Variants in ERBB4 observed in about 807,000 individuals in gnomAD.
ERBB4 encodes receptor tyrosine-protein kinase erbB-4.
Under a neutral mutation model 158.0 loss-of-function variants are expected in ERBB4, and 42 were observed. That is an observed-to-expected ratio of 0.27 (90% CI 0.21 to 0.34). The LOEUF (loss-of-function observed/expected upper bound fraction) is 0.34. Ranked by LOEUF, ERBB4 falls within the 10% of genes least tolerant of loss-of-function variation. The probability of loss-of-function intolerance (pLI) is 1.00; values close to 1 mark genes in which losing one functional copy is unlikely to be tolerated. For missense variants in ERBB4, 1,333 were observed against 1,624.1 expected (o/e 0.82, Z 3.08); for synonymous variants, 583 against 558.7 (o/e 1.04, Z -0.61).
At chr2:211,717,236 C>G (rs906926666) in intron 7 of ERBB4, among the ~76,000 whole-genome samples, 4 of 152,088 alleles carry the variant, frequency 2.6e-5, no homozygotes, top group African/African-American at 9.7e-5. Flanking sequence ...TCATTTAGCC[C>G]CATCCTGCAA....
intron 1 of ERBB4, among the ~76,000 whole-genome samples, chr2:212,412,963 T>C (rs1050628024): frequency 6.6e-6 from 1 of 151,866 alleles, no homozygotes; most frequent in Non-Finnish European, 1.5e-5. Context: ...TTCTTTTTGT[T>C]TTTTTTGTTT....
chr2:212,172,486 T>C (rs2081547236), intron 1 of ERBB4, among the ~76,000 whole-genome samples: 1 of 152,104 alleles, frequency 6.6e-6, no homozygotes, highest in Non-Finnish European at 1.5e-5. Context: ...GCAGCACTGT[T>C]CACAATAGCA....
At chr2:212,232,886 C>T (rs1021731517) in intron 1 of ERBB4, among the ~76,000 whole-genome samples, 3 of 150,362 alleles carry the variant, frequency 2.0e-5, no homozygotes, top group Admixed American at 1.3e-4. Context: ...TTGTCCCTTG[C>T]GCTACAGAGA....
At chr2:211,670,900 A>G (rs1360358869) in intron 14 of ERBB4, among the ~76,000 whole-genome samples, 4 of 152,176 alleles carry the variant, frequency 2.6e-5, no homozygotes, top group South Asian at 2.1e-4. Flanking sequence ...GAAAACTAAT[A>G]AAGGCATACT....
At chr2:212,089,453 A>G (rs1019355558) in intron 2 of ERBB4, among the ~76,000 whole-genome samples, 3 of 152,090 alleles carry the variant, frequency 2.0e-5, no homozygotes, top group African/African-American at 7.2e-5. Flanking sequence ...GTAACCCCCA[A>G]TGTTGGAGGG....
intron 19 of ERBB4, among the ~76,000 whole-genome samples, chr2:211,599,511 T>TTGTGTGTGTGTGTGTGTGTG (rs201810389): frequency 8.2e-4 from 17 of 20,842 alleles, no homozygotes; most frequent in African/African-American, 1.0e-3. Flanking sequence ...AAATAATTTC[T>TTGTGTGTGTGTGTGTGTGTG]TCTGTGTGTG....
chr2:212,117,642 T>A (rs557789513), intron 2 of ERBB4, among the ~76,000 whole-genome samples: 1 of 152,320 alleles, frequency 6.6e-6, no homozygotes, highest in Non-Finnish European at 1.5e-5. Flanking sequence ...GATCAAAATG[T>A]GTGCATAACT....
intron 15 of ERBB4, among the ~76,000 whole-genome samples, chr2:211,665,111 G>A (rs112312170): frequency 0.01 from 1,583 of 152,252 alleles, 18 homozygotes; most frequent in South Asian, 0.042. Flanking sequence ...TAATAGAATG[G>A]TTATAGGTAA....
intron 1 of ERBB4, among the ~76,000 whole-genome samples, chr2:212,348,358 TAA>T (rs949919318): frequency 5.9e-5 from 9 of 152,130 alleles, no homozygotes; most frequent in African/African-American, 2.2e-4. Context: ...TGCCATGAGT[TAA>T]AGTTTCCTCA....
At chr2:212,147,805 G>A (rs748645792) in intron 1 of ERBB4, among the ~76,000 whole-genome samples, 4 of 152,052 alleles carry the variant, frequency 2.6e-5, no homozygotes, top group Non-Finnish European at 2.9e-5. Flanking sequence ...TTAACCCTCC[G>A]TGAAGAAACT....
At chr2:212,454,316 C>T (rs889144037) in intron 1 of ERBB4, among the ~76,000 whole-genome samples, 2 of 152,134 alleles carry the variant, frequency 1.3e-5, no homozygotes, top group African/African-American at 4.8e-5. Context: ...ACTGAGAAGA[C>T]AGACTAATTT....
chr2:211,905,484 T>C (rs143397102), intron 3 of ERBB4, among the ~76,000 whole-genome samples: 1 of 151,848 alleles, frequency 6.6e-6, no homozygotes, highest in Non-Finnish European at 1.5e-5. Context: ...TGTGGGTATC[T>C]TGAGGAGCCA....
At chr2:212,224,570 A>T (rs2083411196) in intron 1 of ERBB4, among the ~76,000 whole-genome samples, 1 of 152,050 alleles carries the variant, frequency 6.6e-6, no homozygotes, top group South Asian at 2.1e-4. Flanking sequence ...CACACACAAG[A>T]AAAGGAGGAG....
rs182536063 is a variant in ERBB4, at chr2:211,378,461, C to A, written c.*5154G>T. The A allele has an allele frequency of 7.3e-3, 1,691 of 232,590 alleles. 20 individuals carry two copies. Among genetic ancestry groups the A allele is most frequent in the South Asian group, 0.019 (103 of 5,530 alleles). 14.4% of individuals were successfully genotyped at this position (232,590 alleles called of 1,614,324 possible). A position where few individuals can be genotyped will look rare whatever the true frequency, so the allele number is the denominator to read the frequency against. ...TGAAATTTCTATTATTTTAGAGAGACTTTTAATGAAAAGAAAAAAGCAGCT... is the reference window on the plus strand; with the variant it reads ...TGAAATTTCTATTATTTTAGAGAGAATTTTAATGAAAAGAAAAAAGCAGCT... On this transcript the variant is annotated 3_prime_UTR_variant, in exon 28 of 28. Coordinates refer to ENST00000342788, the MANE Select transcript of ERBB4 (RefSeq NM_005235.3).
intron 25 of ERBB4, among the ~76,000 whole-genome samples, chr2:211,402,471 C>G (rs1462243063): frequency 1.3e-5 from 2 of 151,914 alleles, no homozygotes; most frequent in Admixed American, 1.3e-4. Flanking sequence ...ATACTAGCAC[C>G]CTGGCAGCAA....
At chr2:211,638,786 A>G (rs557456335) in intron 16 of ERBB4, among the ~76,000 whole-genome samples, 1 of 152,198 alleles carries the variant, frequency 6.6e-6, no homozygotes, top group Non-Finnish European at 1.5e-5. Flanking sequence ...TGATCCTTTT[A>G]TATCTAGATC....
At chr2:211,387,515 T>TTA (rs1179025253) in intron 26 of ERBB4, among the ~76,000 whole-genome samples, 1 of 152,198 alleles carries the variant, frequency 6.6e-6, no homozygotes, top group Non-Finnish European at 1.5e-5. Flanking sequence ...ACAGTTGTCA[T>TTA]TAAGAATAGA....
intron 1 of ERBB4, among the ~76,000 whole-genome samples, chr2:212,128,425 C>A (rs928614099): frequency 3.3e-5 from 5 of 152,174 alleles, no homozygotes; most frequent in African/African-American, 1.2e-4. Context: ...ATAAGTTCTT[C>A]CAGCCTGATG....
At chr2:212,329,703 G>A (rs1452842052) in intron 1 of ERBB4, among the ~76,000 whole-genome samples, 1 of 152,046 alleles carries the variant, frequency 6.6e-6, no homozygotes, top group Admixed American at 6.6e-5. Context: ...TTGTAAAACA[G>A]TGATTTAACC....
Sources: allele counts gnomAD v4.1 joint callset (sites outside exome capture counted in the v4.1 genomes callset), GRCh38; gene constraint gnomAD v4.1.1; transcripts MANE v1.5; gene names NCBI Gene and HGNC (gene_info 2026-07-23, HGNC 2026-07-21).